KSR1: variants seen among roughly 807,000 people sequenced by gnomAD.
The protein encoded by KSR1 is kinase suppressor of ras.
A neutral mutation model predicts 92.9 loss-of-function variants in KSR1; 35 were observed. That is an observed-to-expected ratio of 0.38 (90% confidence interval 0.29 to 0.50). The LOEUF (loss-of-function observed/expected upper bound fraction) is 0.50. KSR1 is among the 20% of genes least tolerant of loss of function. The pLI, the probability that KSR1 is intolerant of heterozygous loss-of-function variation, is 0.94. For missense variants in KSR1, 972 were observed against 1,158.5 expected (o/e 0.84, Z 2.34); for synonymous variants, 467 against 472.6 (o/e 0.99, Z 0.15).
chr17:27,603,437 C>T (rs1408620708), intron 11 of KSR1, among the ~76,000 whole-genome samples: 1 of 152,262 alleles, frequency 6.6e-6, no homozygotes, highest in African/African-American at 2.4e-5. Context: ...GCAAGCAGCC[C>T]CTGCTTCCAA....
chr17:27,456,691 GGGC>G lies in KSR1; in HGVS notation c.51_53del (p.Gly21del). The G allele has an allele frequency of 1.3e-6, 1 of 746,344 alleles. No homozygotes were observed. Among genetic ancestry groups the G allele is most frequent in the Non-Finnish European group, 2.3e-6 (1 of 439,424 alleles). 46.2% of individuals were successfully genotyped at this position (746,344 alleles called of 1,614,324 possible). On this transcript the variant is annotated inframe_deletion, in exon 1 of 21. Transcript: ENST00000644974. ...CGGCGGCGATGGGAGAGAAGAAGGAGGGCGGTGGCGGGGGGGATGCGGCGGCCG... is the reference window on the plus strand; with the variant it reads ...CGGCGGCGATGGGAGAGAAGAAGGAGGGTGGCGGGGGGGATGCGGCGGCCG...
intron 7 of KSR1, among the ~76,000 whole-genome samples, chr17:27,592,158 C>G (rs984903512): frequency 2.0e-5 from 3 of 152,120 alleles, no homozygotes; most frequent in African/African-American, 7.2e-5. Context: ...GACAGCAGAA[C>G]GTGGTAAATG....
chr17:27,512,886 G>T (rs1330802877), intron 1 of KSR1, among the ~76,000 whole-genome samples: 1 of 152,142 alleles, frequency 6.6e-6, no homozygotes, highest in Admixed American at 6.5e-5. Flanking sequence ...ATCACAAAGT[G>T]AGTACCCTTG....
At chr17:27,573,714 T>C (rs558207291) in intron 2 of KSR1, among the ~76,000 whole-genome samples, 1 of 152,338 alleles carries the variant, frequency 6.6e-6, no homozygotes, top group Non-Finnish European at 1.5e-5. Context: ...ATGGAATATT[T>C]GGAGGAGGTT....
At chr17:27,500,131 G>A (rs1209709458) in intron 1 of KSR1, among the ~76,000 whole-genome samples, 2 of 152,252 alleles carry the variant, frequency 1.3e-5, no homozygotes, top group Non-Finnish European at 2.9e-5. Flanking sequence ...GCTGAGCCAG[G>A]ATGGATGACC....
At chr17:27,497,663 T>C (rs1426020792) in intron 1 of KSR1, among the ~76,000 whole-genome samples, 5 of 152,250 alleles carry the variant, frequency 3.3e-5, no homozygotes, top group African/African-American at 1.2e-4. Context: ...TACTAGTGTC[T>C]CCTTTATGGC....
chr17:27,609,139 C>T (rs1410671749), intron 15 of KSR1, 57 bp from the exon 16 acceptor site: 26 of 1,567,452 alleles, frequency 1.7e-5, no homozygotes, highest in Non-Finnish European at 2.2e-5. Context: ...TCATCCAGCC[C>T]AGGGTGGCAC....
intron 1 of KSR1, among the ~76,000 whole-genome samples, chr17:27,501,307 T>TTTTTTTTTTTTTTTTTTTTTTTTTTTTG (rs2069179363): frequency 7.1e-6 from 1 of 140,008 alleles, no homozygotes; most frequent in African/African-American, 2.6e-5. Context: ...TTTTTTTTTT[T>TTTTTTTTTTTTTTTTTTTTTTTTTTTTG]TTTTTTTTTT....
chr17:27,569,230 C>T (rs929564052), intron 2 of KSR1, among the ~76,000 whole-genome samples: 1 of 152,224 alleles, frequency 6.6e-6, no homozygotes, highest in African/African-American at 2.4e-5. Flanking sequence ...CCCATCTCCT[C>T]TCTACATTTT....
In KSR1 at chr17:27,609,754, A is replaced by T. The variant is rs568799608; in HGVS notation, c.2226-313A>T. ...CCAGCCAAGTTTGAGATCCACAGGC[A>T]GATCAGGGTTCCTGGTTAGAGAGGC... is the stretch of plus-strand genomic sequence containing the variant. On this transcript the variant is annotated intron_variant, in intron 16 of 20. Transcript: ENST00000644974. 27 of 353,414 alleles carry T rather than the reference A, an allele frequency of 7.6e-5. No homozygotes were observed. The East Asian group carries it at 1.5e-3, about 20-fold the overall frequency. 21.9% of individuals were successfully genotyped at this position (353,414 alleles called of 1,614,324 possible). A position where few individuals can be genotyped will look rare whatever the true frequency, so the allele number is the denominator to read the frequency against.
intron 1 of KSR1, among the ~76,000 whole-genome samples, chr17:27,546,026 C>T (rs1005514874): frequency 6.6e-6 from 1 of 152,216 alleles, no homozygotes; most frequent in Non-Finnish European, 1.5e-5. Flanking sequence ...AGCCTGACCT[C>T]TCCAGTTAAT....
chr17:27,550,730 A>T (rs1567817812), intron 2 of KSR1, 22 bp downstream of exon 2: 1 of 759,566 alleles, frequency 1.3e-6, no homozygotes, highest in Non-Finnish European at 2.4e-6. Context: ...GGTTCTCAGC[A>T]TAGGGATAGG....
At chr17:27,551,743 C>A (rs202145566) in intron 2 of KSR1, among the ~76,000 whole-genome samples, 24 of 152,296 alleles carry the variant, frequency 1.6e-4, no homozygotes, top group East Asian at 1.2e-3. Context: ...TGGCTCTCCC[C>A]CAAGGCACAC....
rs772882512 is a variant in KSR1, at chr17:27,588,472, C to T, written c.986-3C>T. The T allele has an allele frequency of 1.3e-6, 2 of 1,577,284 alleles. No individual in the cohort carries two copies. Among genetic ancestry groups the T allele is most frequent in the Non-Finnish European group, 1.7e-6 (2 of 1,161,684 alleles). ...CCTGCCCATCCGGCCTCTTTCCCTG[C>T]AGATCTCTCGCATGGATCCCCACAG... On this transcript the variant is annotated splice_polypyrimidine_tract_variant and splice_region_variant and intron_variant, in intron 5 of 20. Coordinates refer to ENST00000644974, the MANE Select transcript of KSR1 (RefSeq NM_001394583.1).
chr17:27,561,166 A>AT (rs1346123764), intron 2 of KSR1, among the ~76,000 whole-genome samples: 1 of 152,212 alleles, frequency 6.6e-6, no homozygotes, highest in Non-Finnish European at 1.5e-5. Flanking sequence ...CTGCAAGCTG[A>AT]TGGCAGGATG....
chr17:27,560,017 CATGGGG>C (rs1359154024), intron 2 of KSR1, among the ~76,000 whole-genome samples: 1 of 152,222 alleles, frequency 6.6e-6, no homozygotes, highest in African/African-American at 2.4e-5. Context: ...GCTGCATTCA[CATGGGG>C]ATGGGCTGAG....
chr17:27,535,494 A>T (rs1420786303), intron 1 of KSR1, among the ~76,000 whole-genome samples: 1 of 152,152 alleles, frequency 6.6e-6, no homozygotes, highest in African/African-American at 2.4e-5. Flanking sequence ...AAGGGTGTGG[A>T]TGCTGATCTG....
intron 19 of KSR1, among the ~76,000 whole-genome samples, chr17:27,618,013 T>A (rs937043572): frequency 1.3e-5 from 2 of 152,222 alleles, no homozygotes; most frequent in African/African-American, 4.8e-5. Context: ...CCAGCACTGA[T>A]ACCAGGCCAG....
chr17:27,566,016 G>T (rs531891262), intron 2 of KSR1, among the ~76,000 whole-genome samples: 1 of 152,204 alleles, frequency 6.6e-6, no homozygotes, highest in South Asian at 2.1e-4. Context: ...TCTTCCTGTT[G>T]GTCTCCATAC....
Sources: gnomAD v4.1 joint callset for allele counts (sites outside exome capture counted in the v4.1 genomes callset) on GRCh38, gnomAD v4.1.1 for gene constraint, MANE v1.5 for transcripts, NCBI Gene and HGNC (gene_info 2026-07-23, HGNC 2026-07-21) for gene names.